Variants in LRRC4C observed in about 807,000 individuals in gnomAD.
The protein encoded by LRRC4C is leucine-rich repeat-containing protein 4C.
LRRC4C carries 5 observed loss-of-function variants against 33.6 expected under a neutral mutation model. The ratio of observed to expected loss-of-function variants is 0.15; its 90% confidence interval spans 0.08 to 0.31. The LOEUF (loss-of-function observed/expected upper bound fraction) is 0.31, where lower values mean the gene tolerates loss of function less well. Among genes scored for constraint, LRRC4C ranks in the 10% least tolerant of loss-of-function variants. LRRC4C has a pLI of 1.00. For missense variants in LRRC4C, 560 were observed against 796.7 expected, an observed-to-expected ratio of 0.70 and a Z score of 3.58; for synonymous variants, 329 against 302.0, an observed-to-expected ratio of 1.09 and a Z score of -0.93.
intron 1 of LRRC4C, among the ~76,000 whole-genome samples, chr11:41,348,950 T>A (rs778865511): frequency 6.6e-6 from 1 of 152,174 alleles, no homozygotes; most frequent in Non-Finnish European, 1.5e-5. Context: ...CAGGAACAGC[T>A]GCAGTGGAGC....
At chr11:40,503,601 G>T (rs191231464) in intron 3 of LRRC4C, among the ~76,000 whole-genome samples, 3 of 152,060 alleles carry the variant, frequency 2.0e-5, no homozygotes, top group African/African-American at 7.2e-5. Context: ...TTCTTAACTC[G>T]CTATCACAAT....
intron 2 of LRRC4C, among the ~76,000 whole-genome samples, chr11:40,873,232 C>G (rs1370999956): frequency 6.6e-6 from 1 of 152,086 alleles, no homozygotes; most frequent in Admixed American, 6.6e-5. Context: ...CAATGAAGTA[C>G]CATAATCTGA....
intron 3 of LRRC4C, among the ~76,000 whole-genome samples, chr11:40,322,024 T>G (rs1465570697): frequency 6.6e-6 from 1 of 152,040 alleles, no homozygotes; most frequent in East Asian, 1.9e-4. Flanking sequence ...GGTTTGTTGA[T>G]TAGAACAAAG....
At chr11:41,407,452 C>T (rs562880372) in intron 1 of LRRC4C, among the ~76,000 whole-genome samples, 2 of 152,056 alleles carry the variant, frequency 1.3e-5, no homozygotes, top group African/African-American at 4.8e-5. Flanking sequence ...CAGGCATGTG[C>T]CACCACATTC....
intron 5 of LRRC4C, among the ~76,000 whole-genome samples, chr11:40,236,369 T>C (rs769055147): frequency 2.6e-5 from 4 of 152,196 alleles, no homozygotes; most frequent in Non-Finnish European, 4.4e-5. Context: ...ATTTTCCTCA[T>C]ATGACTGCAT....
At chr11:40,438,851 T>C (rs988041675) in intron 3 of LRRC4C, among the ~76,000 whole-genome samples, 3 of 152,044 alleles carry the variant, frequency 2.0e-5, no homozygotes, top group Non-Finnish European at 4.4e-5. Flanking sequence ...TTTTTATCTG[T>C]ATGCCTTGGA....
In LRRC4C at chr11:40,984,323, AAAG is replaced by A. The variant is rs1160545585; in HGVS notation, c.-495-50603_-495-50601del. 1.5e-4 allele frequency among the ~76,000 whole-genome samples: 22 copies of A among 148,342 alleles called. 1 individual carries two copies. The highest frequency in any genetic ancestry group is 8.6e-4 in the South Asian group (4 of 4,646). ...AGAGAGAAGGAAAGAAAGAAAAAGA[AAAG>A]AAAGAAAGAAAGAAAGTAGGAAAGA... On this transcript the variant is annotated intron_variant, in intron 1 of 6. Transcript: ENST00000528697.
intron 1 of LRRC4C, among the ~76,000 whole-genome samples, chr11:41,029,613 A>T (rs1043995937): frequency 6.6e-6 from 1 of 151,796 alleles, no homozygotes; most frequent in Non-Finnish European, 1.5e-5. Flanking sequence ...CTTTGGTAAG[A>T]CTGCTCGGCA....
intron 2 of LRRC4C, among the ~76,000 whole-genome samples, chr11:40,711,758 C>G (rs928660504): frequency 6.7e-6 from 1 of 148,806 alleles, no homozygotes; most frequent in Non-Finnish European, 1.5e-5. Flanking sequence ...TAGATAGTAA[C>G]GGAGGATGTT....
intron 1 of LRRC4C, among the ~76,000 whole-genome samples, chr11:41,418,119 C>T (rs901528014): frequency 6.6e-6 from 1 of 151,796 alleles, no homozygotes; most frequent in African/African-American, 2.4e-5. Flanking sequence ...TCTGCCATAA[C>T]CTGTGCTGAA....
At chr11:40,426,630 G>T (rs1410573049) in intron 3 of LRRC4C, among the ~76,000 whole-genome samples, 1 of 152,054 alleles carries the variant, frequency 6.6e-6, no homozygotes, top group African/African-American at 2.4e-5. Context: ...TATTTATTAA[G>T]TGTATATTTG....
intron 1 of LRRC4C, among the ~76,000 whole-genome samples, chr11:41,392,105 A>T (rs923069357): frequency 6.6e-6 from 1 of 151,908 alleles, no homozygotes; most frequent in Non-Finnish European, 1.5e-5. Context: ...CGAGGGGAAA[A>T]TACAAAGGCA....
chr11:40,940,580 G>A (rs1958096734), intron 1 of LRRC4C, among the ~76,000 whole-genome samples: 1 of 152,010 alleles, frequency 6.6e-6, no homozygotes, highest in African/African-American at 2.4e-5. Flanking sequence ...TACATTATCT[G>A]CACATTCTAC....
chr11:40,398,814 A>G (rs1450732917), intron 3 of LRRC4C, among the ~76,000 whole-genome samples: 2 of 152,070 alleles, frequency 1.3e-5, no homozygotes, highest in Non-Finnish European at 1.5e-5. Context: ...GAATTTTTTA[A>G]ATGGCCTACT....
At chr11:40,244,904 A>G (rs952421827) in intron 4 of LRRC4C, among the ~76,000 whole-genome samples, 4 of 152,174 alleles carry the variant, frequency 2.6e-5, no homozygotes, top group African/African-American at 9.7e-5. Flanking sequence ...GGCATATTCC[A>G]TGGCATCTGG....
chr11:40,265,846 T>C (rs1435933688), intron 4 of LRRC4C, among the ~76,000 whole-genome samples: 1 of 152,202 alleles, frequency 6.6e-6, no homozygotes, highest in African/African-American at 2.4e-5. Context: ...GCGGGGGCAA[T>C]GGCAAATCTA....
chr11:40,916,112 G>T lies in LRRC4C; in HGVS notation c.-407+17523C>A, dbSNP rs192807126. Among the ~76,000 whole-genome samples, 480 of 152,302 alleles carry T rather than the reference G, an allele frequency of 3.2e-3. 3 individuals are homozygous for T. Among genetic ancestry groups the T allele is most frequent in the African/African-American group, 0.011 (466 of 41,552 alleles). ...ACACTGTTGGTGGGACTGCAAACTA[G>T]TTCAACCATTGTGGAAGTCAGTGTA... is the stretch of plus-strand genomic sequence containing the variant. On this transcript the variant is annotated intron_variant, in intron 2 of 6. Transcript: ENST00000528697.
At chr11:40,353,955 C>T (rs1207225643) in intron 3 of LRRC4C, among the ~76,000 whole-genome samples, 1 of 152,102 alleles carries the variant, frequency 6.6e-6, no homozygotes, top group African/African-American at 2.4e-5. Context: ...TTTATTGTAG[C>T]CTTTGTAGCC....
intron 2 of LRRC4C, among the ~76,000 whole-genome samples, chr11:40,929,847 C>T (rs1250477871): frequency 1.3e-5 from 2 of 152,116 alleles, no homozygotes; most frequent in African/African-American, 4.8e-5. Flanking sequence ...TTTTCCAAGA[C>T]CTTTCCTCTA....
Sources: gnomAD v4.1 joint callset for allele counts (sites outside exome capture counted in the v4.1 genomes callset) on GRCh38, gnomAD v4.1.1 for gene constraint, MANE v1.5 for transcripts, NCBI Gene and HGNC (gene_info 2026-07-23, HGNC 2026-07-21) for gene names.